The following CFHR4 variants were observed in gnomAD, a reference collection of about 807,000 sequenced individuals.
CFHR4 encodes the protein complement factor H-related protein 4.
In CFHR4, 64 loss-of-function variants were observed where a neutral mutation model predicts 69.3. The ratio of observed to expected loss-of-function variants is 0.92; its 90% CI spans 0.76 to 1.14. The LOEUF (loss-of-function observed/expected upper bound fraction) is 1.14. Ranked by LOEUF, CFHR4 falls within the 50% of genes most tolerant of loss-of-function variation. The pLI, the probability that CFHR4 is intolerant of heterozygous loss-of-function variation, is 0.00. For synonymous variants in CFHR4, 244 were observed against 237.0 expected, an observed-to-expected ratio of 1.03 and a Z score of -0.27; for missense variants, 636 against 684.9, an observed-to-expected ratio of 0.93 and a Z score of 0.80.
At chr1:196,892,526 C>T (rs1193906280) in intron 1 of CFHR4, among the ~76,000 whole-genome samples, 1 of 150,234 alleles carries the variant, frequency 6.7e-6, no homozygotes, top group African/African-American at 2.5e-5. Context: ...CATGAATTTC[C>T]CCCAAAAAAA....
At chr1:196,907,128 AT>A in intron 4 of CFHR4, 91 bp downstream of exon 4, 1 of 1,269,036 alleles carries the variant, frequency 7.9e-7, no homozygotes, top group Non-Finnish European at 1.1e-6. Context: ...ATGAATACAT[AT>A]GTGTACATAT....
At chr1:196,916,484 G>T (rs1362885239) in intron 9 of CFHR4, among the ~76,000 whole-genome samples, 2 of 151,740 alleles carry the variant, frequency 1.3e-5, no homozygotes, top group Non-Finnish European at 2.9e-5. Flanking sequence ...GACTGATGAC[G>T]CTGATATTTT....
chr1:196,908,749 G>T (rs534745142), intron 5 of CFHR4, among the ~76,000 whole-genome samples: 1 of 151,664 alleles, frequency 6.6e-6, no homozygotes, highest in Non-Finnish European at 1.5e-5. Flanking sequence ...TTGCATATCA[G>T]ATAACTTATT....
At chr1:196,911,953 C>A (rs190733903) in intron 6 of CFHR4, among the ~76,000 whole-genome samples, 9 of 151,466 alleles carry the variant, frequency 5.9e-5, no homozygotes, top group Admixed American at 2.6e-4. Context: ...TATGCATCAT[C>A]TTTAACATGA....
At chr1:196,896,977 G>A (rs955322485) in intron 1 of CFHR4, among the ~76,000 whole-genome samples, 2 of 151,518 alleles carry the variant, frequency 1.3e-5, no homozygotes, top group Non-Finnish European at 2.9e-5. Flanking sequence ...TAAATACGCT[G>A]TGTTGGTTTG....
chr1:196,916,786 G>A (rs1393888824), intron 9 of CFHR4, among the ~76,000 whole-genome samples: 1 of 151,364 alleles, frequency 6.6e-6, no homozygotes, highest in African/African-American at 2.4e-5. Flanking sequence ...ATCAAGAACA[G>A]GAAAGGATTA....
chr1:196,902,531 C>G lies in CFHR4; in HGVS notation c.172C>G (p.Gln58Glu). 6.2e-7 allele frequency: 1 copy of G among 1,611,898 alleles called. No homozygotes were observed. ...AGQSYSYYCD[Q>E]NFVTPSGSYW... Reference sequence around the variant, plus strand: ...ACAATCTTATTCCTATTACTGTGATCAAAATTTTGTGACTCCTTCAGGAAG... The same window carrying G: ...ACAATCTTATTCCTATTACTGTGATGAAAATTTTGTGACTCCTTCAGGAAG... Residue 58 changes from glutamine to glutamate, a missense_variant, in exon 2 of 10, where the codon CAA becomes GAA. This residue lies in a region of CFHR4 where 529 missense variants were observed against 533.2 expected (regional missense o/e 0.99). Coordinates refer to ENST00000608469, the MANE Select transcript of CFHR4 (RefSeq NM_001201550.3).
chr1:196,895,138 C>A (rs765679701), intron 1 of CFHR4, among the ~76,000 whole-genome samples: 2 of 151,368 alleles, frequency 1.3e-5, no homozygotes, highest in Admixed American at 1.3e-4. Flanking sequence ...GAGACTGAGG[C>A]AGGAGGATTG....
intron 7 of CFHR4, among the ~76,000 whole-genome samples, chr1:196,913,797 G>T (rs1483894171): frequency 1.3e-5 from 2 of 151,188 alleles, no homozygotes; most frequent in Non-Finnish European, 2.9e-5. Context: ...ATACAACATG[G>T]ATGACTCTCA....
chr1:196,906,870 A>G lies in CFHR4; in HGVS notation c.449A>G (p.Asp150Gly), dbSNP rs776951159. ...STQPICIKFC[D>G]MPVFENSRAK... Reference sequence around the variant, plus strand: ...TTTTATTTTGTTTCAGAATTTTGTGATATGCCTGTTTTTGAGAATTCCAGA... The same window carrying G: ...TTTTATTTTGTTTCAGAATTTTGTGGTATGCCTGTTTTTGAGAATTCCAGA... Residue 150 changes from aspartate to glycine, a missense_variant, in exon 4 of 10, where the codon GAT becomes GGT. Physicochemically the swap from Asp to Gly is moderately conservative, Grantham distance 94 (BLOSUM62 -1). Coordinates refer to ENST00000608469, the MANE Select transcript of CFHR4 (RefSeq NM_001201550.3). The G allele has an allele frequency of 4.4e-6, 7 of 1,602,044 alleles. No homozygotes were observed. The African/African-American group carries it at 5.4e-5, about 12-fold the overall frequency.
chr1:196,907,233 T>G (rs907844747), intron 4 of CFHR4, 83 bp from the exon 5 acceptor site: 4 of 1,290,060 alleles, frequency 3.1e-6, no homozygotes, highest in Non-Finnish European at 4.4e-6. Flanking sequence ...ATAAGATACA[T>G]TTAAGAGTAT....
In CFHR4 at chr1:196,905,268, G is replaced by A. The variant is rs749721946; in HGVS notation, c.417G>A (p.Trp139Ter). 8.1e-6 allele frequency: 13 copies of A among 1,610,998 alleles called. No individual in the cohort carries two copies. The highest frequency in any genetic ancestry group is 1.1e-5 in the Non-Finnish European group (13 of 1,178,696). ...CAATTACATGTTTGCAAAATGGATG[G>A]TCAACACAACCAATTTGCATTAGTA... ...SGSITCLQNG[W>*]STQPICIKFC... The change falls in exon 3 of 10, where the codon TGG becomes TGA. Residue 139 changes from tryptophan to a stop codon, truncating the protein, a stop_gained. Coordinates refer to ENST00000608469, the MANE Select transcript of CFHR4 (RefSeq NM_001201550.3). LOFTEE classifies it high-confidence loss of function.
intron 5 of CFHR4, among the ~76,000 whole-genome samples, chr1:196,909,728 A>T (rs2878725): frequency 2.0e-5 from 3 of 151,428 alleles, no homozygotes; most frequent in Non-Finnish European, 4.4e-5. Flanking sequence ...AACTGGGCTT[A>T]ATACCTAGCG....
chr1:196,910,881 C>A (rs1485063153), intron 6 of CFHR4, among the ~76,000 whole-genome samples: 3 of 151,388 alleles, frequency 2.0e-5, no homozygotes, highest in Non-Finnish European at 4.4e-5. Flanking sequence ...TGTTCCTAAT[C>A]TACCTTTTAA....
intron 6 of CFHR4, 48 bp from the exon 7 acceptor site, chr1:196,912,692 G>T (rs1389912303): frequency 1.3e-6 from 2 of 1,492,910 alleles, no homozygotes; most frequent in Admixed American, 2.1e-5. Context: ...TCCTATAAAA[G>T]AAGTATTCAA....
In CFHR4 at chr1:196,897,322, C is replaced by G. The variant is rs1053888789; in HGVS notation, c.59-5096C>G. Among the ~76,000 whole-genome samples, 8 of 151,572 alleles carry G rather than the reference C, an allele frequency of 5.3e-5. 1 individual carries two copies. The highest frequency in any genetic ancestry group is 1.9e-4 in the African/African-American group (8 of 41,160). On this transcript the variant is annotated intron_variant, in intron 1 of 9. Transcript: ENST00000608469. ...CCACGGCAGCGTCTAGGGTAGGCGT[C>G]TGTGAGTACAGACGCCCAAGTGGAC... is the stretch of plus-strand genomic sequence containing the variant.
intron 1 of CFHR4, among the ~76,000 whole-genome samples, chr1:196,898,434 T>G (rs1218928528): frequency 6.6e-6 from 1 of 151,632 alleles, no homozygotes; most frequent in Non-Finnish European, 1.5e-5. Flanking sequence ...GTCTTTGCTT[T>G]CCAAAGTAGA....
At chr1:196,910,202 T>C (rs1003932736) in intron 5 of CFHR4, 79 bp from the exon 6 acceptor site, 4 of 718,672 alleles carry the variant, frequency 5.6e-6, no homozygotes, top group Non-Finnish European at 8.3e-6. Context: ...GAAGGTAACA[T>C]AATCAAAACA....
intron 1 of CFHR4, among the ~76,000 whole-genome samples, chr1:196,902,100 A>G (rs1657647507): frequency 1.3e-5 from 2 of 151,588 alleles, no homozygotes; most frequent in Non-Finnish European, 2.9e-5. Context: ...ATGGAACAGA[A>G]AGAAAAAGAA....
Sources: allele counts gnomAD v4.1 joint callset (sites outside exome capture counted in the v4.1 genomes callset), GRCh38; gene constraint gnomAD v4.1.1; regional missense constraint gnomAD v4.1.1; transcripts MANE v1.5; gene names NCBI Gene and HGNC (gene_info 2026-07-23, HGNC 2026-07-21).